EYA4: variants seen among roughly 807,000 people sequenced by gnomAD.
EYA4 encodes protein phosphatase EYA4.
Under a neutral mutation model 87.9 loss-of-function variants are expected in EYA4, and 31 were observed. The ratio of observed to expected loss-of-function variants is 0.35; its 90% CI spans 0.27 to 0.48. EYA4 has a LOEUF of 0.48. EYA4 is among the 20% of genes least tolerant of loss of function. The pLI is 0.99. For synonymous variants in EYA4, 263 were observed against 270.6 expected, an observed-to-expected ratio of 0.97 and a Z score of 0.28; for missense variants, 678 against 761.4, an observed-to-expected ratio of 0.89 and a Z score of 1.29.
In EYA4 at chr6:133,427,471, G is replaced by A. The variant is rs188036352; in HGVS notation, c.84-19159G>A. On this transcript the variant is annotated intron_variant, in intron 3 of 19. Transcript: ENST00000355286. ...ACATTCTACTCAAAGTAAAAAAGTAGATTCAGGTTCTTGGATCCAGATTAA... is the reference window on the plus strand; with the variant it reads ...ACATTCTACTCAAAGTAAAAAAGTAAATTCAGGTTCTTGGATCCAGATTAA... 2.7e-4 allele frequency among the ~76,000 whole-genome samples: 41 copies of A among 152,296 alleles called. 1 individual carries two copies. In the East Asian group the frequency reaches 6.9e-3, roughly 26 times the overall value.
chr6:133,485,861 A>G (rs923257681), intron 13 of EYA4, among the ~76,000 whole-genome samples: 4 of 152,228 alleles, frequency 2.6e-5, no homozygotes, highest in Non-Finnish European at 5.9e-5. Context: ...ATAAACTTAC[A>G]TTTATAGGAT....
Position 133,528,815 on chromosome 6 carries a change from T to C in EYA4, c.*10T>C. Reference sequence around the variant, plus strand: ...ATTAGAGTATTTGTAACTGTGTTCTTTAGCCGGAGATCCATTTTTTATATT... The same window carrying C: ...ATTAGAGTATTTGTAACTGTGTTCTCTAGCCGGAGATCCATTTTTTATATT... On this transcript the variant is annotated 3_prime_UTR_variant, in exon 20 of 20. Coordinates refer to ENST00000355286, the MANE Select transcript of EYA4 (RefSeq NM_004100.5). 6.2e-7 allele frequency: 1 copy of C among 1,613,438 alleles called. No homozygotes were observed. Among genetic ancestry groups the C allele is most frequent in the Non-Finnish European group, 8.5e-7 (1 of 1,179,490 alleles).
chr6:133,529,188 CCTG>C lies in EYA4; in HGVS notation c.*384_*386del. The C allele has an allele frequency of 1.7e-6, 2 of 1,162,372 alleles. No homozygotes were observed. The highest frequency in any genetic ancestry group is 1.2e-4 in the East Asian group (2 of 16,394). The allele number at this position is 1,162,372 out of a possible 1,614,324, so 72.0% of individuals were successfully genotyped here. A position where few individuals can be genotyped will look rare whatever the true frequency, so the allele number is the denominator to read the frequency against. On this transcript the variant is annotated 3_prime_UTR_variant, in exon 20 of 20. Transcript: ENST00000355286. The stretch of plus-strand genomic sequence containing the variant: ...CCTCAAAATGGGAGATCTTCTCAGC[CCTG>C]AGGTTTGAATCTGACTTTAGCCTAC...
In EYA4 at chr6:133,341,491, C is replaced by CT. The variant is rs1429068961; in HGVS notation, c.34-40898dup. ...TGGATAAAACATTAACAGTGGAGCC[C>CT]TTTATGAAATCCACTATAACATTAA... On this transcript the variant is annotated intron_variant, in intron 2 of 19. Coordinates refer to ENST00000355286, the MANE Select transcript of EYA4 (RefSeq NM_004100.5). Among the ~76,000 whole-genome samples the CT allele has an allele frequency of 5.3e-5, 8 of 152,228 alleles. No homozygotes were observed. The East Asian group carries it at 1.5e-3, about 29-fold the overall frequency.
At chr6:133,349,645 A>G (rs1353931290) in intron 2 of EYA4, among the ~76,000 whole-genome samples, 2 of 151,244 alleles carry the variant, frequency 1.3e-5, no homozygotes, top group East Asian at 1.9e-4. Context: ...ATGTAAGTGT[A>G]TGAAATGCTT....
intron 2 of EYA4, among the ~76,000 whole-genome samples, chr6:133,363,619 C>A (rs371711896): frequency 6.7e-6 from 1 of 148,812 alleles, no homozygotes; most frequent in Non-Finnish European, 1.5e-5. Context: ...GGACTACAGG[C>A]GCACGCTGCC....
chr6:133,318,470 CT>C (rs2128347588), intron 2 of EYA4, among the ~76,000 whole-genome samples: 1 of 152,284 alleles, frequency 6.6e-6, no homozygotes, highest in Admixed American at 6.5e-5. Flanking sequence ...ATTTCAGATC[CT>C]AGTTCGCTTG....
At chr6:133,294,550 G>A (rs1017337508) in intron 2 of EYA4, among the ~76,000 whole-genome samples, 1 of 151,122 alleles carries the variant, frequency 6.6e-6, no homozygotes, top group Non-Finnish European at 1.5e-5. Context: ...ATTCAACATC[G>A]AAATACATTT....
At chr6:133,521,076 A>C (rs1293212772) in intron 17 of EYA4, among the ~76,000 whole-genome samples, 3 of 151,334 alleles carry the variant, frequency 2.0e-5, no homozygotes, top group Non-Finnish European at 4.4e-5. Context: ...TGTCTAAAAC[A>C]CCAAAAGCAA....
chr6:133,311,684 A>G (rs1214986690), intron 2 of EYA4, among the ~76,000 whole-genome samples: 1 of 151,992 alleles, frequency 6.6e-6, no homozygotes, highest in African/African-American at 2.4e-5. Flanking sequence ...TCCCTGTTGG[A>G]CTCTAAAAAT....
chr6:133,526,979 G>A (rs1800691594), intron 19 of EYA4, among the ~76,000 whole-genome samples: 2 of 152,152 alleles, frequency 1.3e-5, no homozygotes, highest in South Asian at 2.1e-4. Context: ...TTAAAACTTA[G>A]CCGAGTCTAC....
intron 5 of EYA4, chr6:133,453,475 G>C (rs995764050): frequency 2.0e-5 from 3 of 151,784 alleles, no homozygotes; most frequent in Admixed American, 6.6e-5. Context: ...TAATAAATCA[G>C]CTAATAATAT....
chr6:133,451,132 AAGC>A (rs1167148222), intron 5 of EYA4, among the ~76,000 whole-genome samples: 1 of 152,214 alleles, frequency 6.6e-6, no homozygotes, highest in Non-Finnish European at 1.5e-5. Flanking sequence ...TGTTGCACAA[AAGC>A]AGCCATATAC....
chr6:133,501,069 C>T (rs1392158354), intron 13 of EYA4, among the ~76,000 whole-genome samples: 2 of 152,130 alleles, frequency 1.3e-5, no homozygotes, highest in East Asian at 1.9e-4. Flanking sequence ...CACCTCTGGG[C>T]TCTGTGTATG....
intron 3 of EYA4, among the ~76,000 whole-genome samples, chr6:133,442,557 T>C (rs894697247): frequency 2.0e-5 from 3 of 152,200 alleles, no homozygotes; most frequent in Non-Finnish European, 4.4e-5. Context: ...TCATTAGTTC[T>C]AGTAGTTTGG....
intron 1 of EYA4, among the ~76,000 whole-genome samples, chr6:133,253,917 A>G (rs1775127743): frequency 1.3e-5 from 2 of 152,270 alleles, no homozygotes; most frequent in Admixed American, 1.3e-4. Context: ...GTTAATGGAA[A>G]TTAAGTGACT....
rs537048477 is a variant in EYA4, at chr6:133,334,679, A to G, written c.34-47713A>G. 1.5e-4 allele frequency among the ~76,000 whole-genome samples: 23 copies of G among 152,304 alleles called. No individual in the cohort carries two copies. In the South Asian group the frequency reaches 4.6e-3, roughly 30 times the overall value. ...CTATTTGATCTCTCTTAGCAAGGAAAAAAAGAACCCTAGTGACCTGCACCA... is the reference window on the plus strand; with the variant it reads ...CTATTTGATCTCTCTTAGCAAGGAAGAAAAGAACCCTAGTGACCTGCACCA... On this transcript the variant is annotated intron_variant, in intron 2 of 19. Transcript: ENST00000355286.
At chr6:133,406,141 A>G (rs532799684) in intron 3 of EYA4, among the ~76,000 whole-genome samples, 87 of 152,276 alleles carry the variant, frequency 5.7e-4, no homozygotes, top group African/African-American at 2.0e-3. Flanking sequence ...TTACTAATTG[A>G]CCAGGCAGTT....
At chr6:133,250,302 C>G (rs1157026749) in intron 1 of EYA4, among the ~76,000 whole-genome samples, 1 of 152,102 alleles carries the variant, frequency 6.6e-6, no homozygotes, top group African/African-American at 2.4e-5. Flanking sequence ...TTTCATAGTA[C>G]TTGAAATCTG....
Sources: allele counts gnomAD v4.1 joint callset (sites outside exome capture counted in the v4.1 genomes callset), GRCh38; gene constraint gnomAD v4.1.1; transcripts MANE v1.5; gene names NCBI Gene and HGNC (gene_info 2026-07-23, HGNC 2026-07-21).